Variants in HSPA4 observed in about 807,000 individuals in gnomAD.
HSPA4 encodes the protein heat shock 70 kDa protein 4.
Under a neutral mutation model 106.2 loss-of-function variants are expected in HSPA4, and 25 were observed. The ratio of observed to expected loss-of-function variants is 0.24; its 90% confidence interval spans 0.17 to 0.33. The LOEUF (loss-of-function observed/expected upper bound fraction) is 0.33, where lower values mean the gene tolerates loss of function less well. Ranked by LOEUF, HSPA4 falls within the 10% of genes least tolerant of loss-of-function variation. The probability of loss-of-function intolerance (pLI) is 1.00; values close to 1 mark genes in which losing one functional copy is unlikely to be tolerated. For synonymous variants in HSPA4, 332 were observed against 333.6 expected (o/e 1.00, Z 0.05); for missense variants, 841 against 996.0 (o/e 0.84, Z 2.10).
Position 133,068,446 on chromosome 5 carries a change from G to A in HSPA4, c.306+889G>A, listed in dbSNP as rs149919655. ...GGAATCCATGAGGGGGGGTGGGGGC[G>A]TGATTGGCTTTCCAGGCAGGTGAGA... On this transcript the variant is annotated intron_variant, in intron 3 of 18. Coordinates refer to ENST00000304858, the MANE Select transcript of HSPA4 (RefSeq NM_002154.4). Among the ~76,000 whole-genome samples, 5 of 152,046 alleles carry A rather than the reference G, an allele frequency of 3.3e-5. No homozygotes were observed. The East Asian group carries it at 5.8e-4, about 18-fold the overall frequency.
rs541199249 is a variant in HSPA4, at chr5:133,094,497, T to C, written c.1651-1601T>C. Reference sequence around the variant, plus strand: ...CAGGAAATGGTGCTTACAGATTCTTTAGTTGGGTCAGGCCTTTTTCAAGAT... The same window carrying C: ...CAGGAAATGGTGCTTACAGATTCTTCAGTTGGGTCAGGCCTTTTTCAAGAT... On this transcript the variant is annotated intron_variant, in intron 13 of 18. Transcript: ENST00000304858. Among the ~76,000 whole-genome samples the C allele has an allele frequency of 2.3e-4, 35 of 152,340 alleles. No homozygotes were observed. In the South Asian group the frequency reaches 5.0e-3, roughly 22 times the overall value.
chr5:133,053,281 A>G (rs1169042294), intron 1 of HSPA4, among the ~76,000 whole-genome samples: 1 of 150,778 alleles, frequency 6.6e-6, no homozygotes, highest in Non-Finnish European at 1.5e-5. Context: ...TTCTTAGACA[A>G]AATCTTGTAA....
chr5:133,080,768 T>A (rs976534929), intron 7 of HSPA4, among the ~76,000 whole-genome samples: 1 of 152,076 alleles, frequency 6.6e-6, no homozygotes, highest in African/African-American at 2.4e-5. Flanking sequence ...TAGTTTTCAT[T>A]TCTGACATTT....
intron 1 of HSPA4, among the ~76,000 whole-genome samples, chr5:133,059,254 C>G (rs1765205986): frequency 6.6e-6 from 1 of 151,648 alleles, no homozygotes; most frequent in African/African-American, 2.4e-5. Context: ...TTGAGACCAG[C>G]CTGGCCAAGA....
At chr5:133,072,392 GTTTTTTT>G (rs748459297) in intron 4 of HSPA4, among the ~76,000 whole-genome samples, 5 of 75,730 alleles carry the variant, frequency 6.6e-5, no homozygotes, top group African/African-American at 1.1e-4. Context: ...GTCCAGGGTT[GTTTTTTT>G]TTTTTTTTTT....
intron 14 of HSPA4, among the ~76,000 whole-genome samples, chr5:133,096,795 A>G (rs1369784911): frequency 1.3e-5 from 2 of 152,294 alleles, no homozygotes; most frequent in East Asian, 1.9e-4. Flanking sequence ...TCTTATGGAA[A>G]CTTCAGCATT....
chr5:133,096,325 T>G, intron 14 of HSPA4, 75 bp downstream of exon 14: 3 of 1,388,736 alleles, frequency 2.2e-6, no homozygotes, highest in Non-Finnish European at 2.0e-6. Context: ...CTGTGTCTAG[T>G]GACTTTTTGC....
chr5:133,076,406 G>A (rs1765446328), intron 6 of HSPA4, among the ~76,000 whole-genome samples: 1 of 152,160 alleles, frequency 6.6e-6, no homozygotes, highest in Non-Finnish European at 1.5e-5. Context: ...CTACCACTTA[G>A]TAGCTTTGTG....
chr5:133,070,567 A>G, intron 4 of HSPA4, 71 bp downstream of exon 4: 3 of 1,560,340 alleles, frequency 1.9e-6, no homozygotes, highest in Admixed American at 3.6e-5. Flanking sequence ...GCTAATTTCA[A>G]GTAAACTTGT....
intron 7 of HSPA4, 42 bp from the exon 8 acceptor site, chr5:133,086,740 A>G: frequency 7.1e-7 from 1 of 1,399,102 alleles, no homozygotes; most frequent in African/African-American, 1.4e-5. Context: ...GTGGCATGTG[A>G]TTTAATGTAC....
intron 3 of HSPA4, among the ~76,000 whole-genome samples, chr5:133,067,826 G>C (rs1365238583): frequency 6.6e-6 from 1 of 151,874 alleles, no homozygotes; most frequent in Non-Finnish European, 1.5e-5. Flanking sequence ...TTTGCTCACT[G>C]ATGCAGTGGG....
chr5:133,073,435 C>T (rs1360059063), intron 5 of HSPA4, 106 bp downstream of exon 5: 2 of 698,808 alleles, frequency 2.9e-6, no homozygotes, highest in African/African-American at 3.6e-5. Context: ...AGCACTGCTG[C>T]TCTTGCTTAC....
In HSPA4 at chr5:133,088,411, G is replaced by T; in HGVS notation, c.993G>T (p.Lys331Asn). 6.2e-7 allele frequency: 1 copy of T among 1,603,454 alleles called. No individual in the cohort carries two copies. The highest frequency in any genetic ancestry group is 8.5e-7 in the Non-Finnish European group (1 of 1,171,412). ...CTAATTCTTTAAAAATAGAGTTAAA[G>T]AAAGAAGATATTTATGCAGTGGAGA... ...LRSVLEQTKL[K>N]KEDIYAVEIV... The change falls in exon 9 of 19, where the codon AAG becomes AAT. Residue 331 changes from lysine (K) to asparagine (N), a missense_variant. Lys to Asn is a moderately conservative substitution (Grantham distance 94). Transcript: ENST00000304858.
chr5:133,059,180 G>A (rs1034613575), intron 1 of HSPA4, among the ~76,000 whole-genome samples: 28 of 151,468 alleles, frequency 1.8e-4, no homozygotes, highest in Non-Finnish European at 3.5e-4. Context: ...GGGTGTGGTG[G>A]CTCGTGCCTG....
intron 1 of HSPA4, among the ~76,000 whole-genome samples, chr5:133,060,402 G>A (rs1421580048): frequency 2.0e-5 from 3 of 150,964 alleles, no homozygotes; most frequent in African/African-American, 7.3e-5. Context: ...TCGCTCTGTC[G>A]CCCAGGCCGG....
chr5:133,097,066 G>C, intron 14 of HSPA4, 95 bp from the exon 15 acceptor site: 1 of 963,468 alleles, frequency 1.0e-6, no homozygotes, highest in Admixed American at 2.2e-5. Context: ...AAAAGGATTT[G>C]GGGAAGAAAG....
At chr5:133,087,552 G>A (rs1765591631) in intron 8 of HSPA4, among the ~76,000 whole-genome samples, 1 of 152,204 alleles carries the variant, frequency 6.6e-6, no homozygotes, top group African/African-American at 2.4e-5. Context: ...AGTATTTTAT[G>A]AGCAATAGCA....
At chr5:133,084,267 T>G (rs1412311114) in intron 7 of HSPA4, among the ~76,000 whole-genome samples, 1 of 152,236 alleles carries the variant, frequency 6.6e-6, no homozygotes, top group Non-Finnish European at 1.5e-5. Flanking sequence ...TCACATGCCA[T>G]TTGTTGTTCT....
Position 133,073,234 on chromosome 5 carries a change from C to A in HSPA4, c.434C>A (p.Pro145His). The A allele has an allele frequency of 1.3e-6, 2 of 1,570,512 alleles. No individual in the cohort carries two copies. The highest frequency in any genetic ancestry group is 1.7e-6 in the Non-Finnish European group (2 of 1,159,884). ...CATTCTTTTTTTTTTTTGTAGGTTC[C>A]TTGTTTCTATACTGATGCAGAAAGA... ...KPVVDCVVSV[P>H]CFYTDAERRS... The change falls in exon 5 of 19, where the codon CCT becomes CAT. Residue 145 changes from proline to histidine, a missense_variant. This residue lies in a region of HSPA4 where 347 missense variants were observed against 408.7 expected (regional missense o/e 0.85). Coordinates refer to ENST00000304858, the MANE Select transcript of HSPA4 (RefSeq NM_002154.4).
Sources: allele counts gnomAD v4.1 joint callset (sites outside exome capture counted in the v4.1 genomes callset), GRCh38; gene constraint gnomAD v4.1.1; regional missense constraint gnomAD v4.1.1; transcripts MANE v1.5; gene names NCBI Gene and HGNC (gene_info 2026-07-23, HGNC 2026-07-21).